CLNK: variants seen among roughly 807,000 people sequenced by gnomAD.
CLNK encodes the protein cytokine-dependent hematopoietic cell linker.
Under a neutral mutation model 68.6 loss-of-function variants are expected in CLNK, and 74 were observed. The ratio of observed to expected loss-of-function variants is 1.08; its 90% CI spans 0.89 to 1.31. CLNK has a LOEUF of 1.31. Among genes scored for constraint, CLNK ranks in the 50% most tolerant of loss-of-function variants. The pLI is 0.00. For missense variants in CLNK, 553 were observed against 515.3 expected (o/e 1.07, Z -0.71); for synonymous variants, 198 against 172.2 (o/e 1.15, Z -1.17).
chr4:10,507,020 T>C (rs1717327051), intron 17 of CLNK, among the ~76,000 whole-genome samples: 1 of 151,892 alleles, frequency 6.6e-6, no homozygotes, highest in African/African-American at 2.4e-5. Context: ...TTAGCCAGGA[T>C]GGTCTCGATC....
intron 2 of CLNK, among the ~76,000 whole-genome samples, chr4:10,603,274 C>T (rs1174208970): frequency 2.0e-5 from 3 of 152,116 alleles, no homozygotes; most frequent in Non-Finnish European, 4.4e-5. Context: ...TGATTTTTGG[C>T]ACAAACATCA....
At position 10,558,392 on chromosome 4, in the gene CLNK, T is replaced by A. The variant is rs1226822639; in HGVS notation, c.445+15A>T. On this transcript the variant is annotated intron_variant, in intron 8 of 18. Coordinates refer to ENST00000226951, the MANE Select transcript of CLNK (RefSeq NM_052964.4). ...TTCATACTTACATTTTAAACTTCGA[T>A]TAACATGACTTTACCTTTAATGTTT... The A allele has an allele frequency of 6.2e-7, 1 of 1,612,610 alleles. No homozygotes were observed.
At chr4:10,686,455 T>G (rs993639775), upstream of CLNK, among the ~76,000 whole-genome samples, 1 of 151,812 alleles carries the variant, frequency 6.6e-6, no homozygotes, top group African/African-American at 2.4e-5. Flanking sequence ...ATTATCACAC[T>G]CATGAATCTG....
At position 10,524,083 on chromosome 4, in the gene CLNK, GAGA is replaced by G. The variant is rs1560200727; in HGVS notation, c.731+1755_731+1757del. ...AAACAAAAGAAAGAAAGAAAGAAAA[GAGA>G]AGAGGAGGAGGAGGAGGAGGAGGAG... On this transcript the variant is annotated intron_variant, in intron 14 of 18. Transcript: ENST00000226951. The G allele has an allele frequency of 2.8e-5, 4 of 141,776 alleles. No individual in the cohort carries two copies. In the Admixed American group the frequency reaches 3.5e-4, roughly 12 times the overall value. The allele number at this position is 141,776 out of a possible 1,614,324, so 8.8% of individuals were successfully genotyped here.
chr4:10,714,290 C>T, the CLNK span, among the ~76,000 whole-genome samples: 13 of 152,260 alleles, frequency 8.5e-5, no homozygotes, highest in Admixed American at 3.3e-4. Context: ...TAGAATATTT[C>T]GTGTTACTTA....
intron 2 of CLNK, among the ~76,000 whole-genome samples, chr4:10,601,131 G>C (rs768870965): frequency 6.6e-6 from 1 of 152,182 alleles, no homozygotes; most frequent in Admixed American, 6.5e-5. Context: ...TGAGGAAACG[G>C]GACCCTAGAG....
At chr4:10,643,550 T>C (rs1723393999) in intron 2 of CLNK, among the ~76,000 whole-genome samples, 1 of 152,188 alleles carries the variant, frequency 6.6e-6, no homozygotes, top group South Asian at 2.1e-4. Flanking sequence ...CAAAGGAGAA[T>C]ACACTGGGAA....
intron 8 of CLNK, among the ~76,000 whole-genome samples, chr4:10,553,059 G>C (rs1240175371): frequency 6.6e-6 from 1 of 151,856 alleles, no homozygotes; most frequent in Non-Finnish European, 1.5e-5. Context: ...GGAGGGGGGG[G>C]CATGCAGGGG....
At chr4:10,642,261 C>A (rs781516849) in intron 2 of CLNK, among the ~76,000 whole-genome samples, 4 of 152,206 alleles carry the variant, frequency 2.6e-5, no homozygotes, top group Non-Finnish European at 5.9e-5. Flanking sequence ...ACATGTCTGA[C>A]AAGTCTCAGA....
chr4:10,508,038 T>C lies in CLNK; in HGVS notation c.907-2A>G. 6.2e-7 allele frequency: 1 copy of C among 1,604,978 alleles called. No homozygotes were observed. The highest frequency in any genetic ancestry group is 1.1e-5 in the South Asian group (1 of 89,180). ...GTACCATTCATTGTGCTGGACATCC[T>C]GCAGAACAGAATCAATGATAAATAT... On this transcript the variant is annotated splice_acceptor_variant, in intron 16 of 18. Coordinates refer to ENST00000226951, the MANE Select transcript of CLNK (RefSeq NM_052964.4). LOFTEE classifies it high-confidence loss of function.
intron 2 of CLNK, among the ~76,000 whole-genome samples, chr4:10,607,645 T>C (rs181372837): frequency 2.6e-5 from 4 of 152,296 alleles, no homozygotes; most frequent in Admixed American, 2.0e-4. Context: ...GAAGACAAGC[T>C]TCTATTCTGA....
At chr4:10,571,656 C>T (rs1458015532) in intron 5 of CLNK, 85 bp downstream of exon 5, 1 of 1,130,398 alleles carries the variant, frequency 8.8e-7, no homozygotes, top group African/African-American at 1.5e-5. Flanking sequence ...GATTTTTAAA[C>T]ATTTTACCCA....
At chr4:10,629,378 C>T (rs891687259) in intron 2 of CLNK, among the ~76,000 whole-genome samples, 5 of 152,172 alleles carry the variant, frequency 3.3e-5, no homozygotes, top group Non-Finnish European at 5.9e-5. Context: ...GACCTGGCCT[C>T]GGCTTTCAGG....
chr4:10,503,269 C>T (rs1477701022), intron 17 of CLNK, among the ~76,000 whole-genome samples: 1 of 151,876 alleles, frequency 6.6e-6, no homozygotes, highest in Non-Finnish European at 1.5e-5. Context: ...GAGACTTAGC[C>T]CGGCTGACAT....
At chr4:10,591,915 T>C (rs904739462) in intron 3 of CLNK, among the ~76,000 whole-genome samples, 12 of 152,244 alleles carry the variant, frequency 7.9e-5, no homozygotes, top group African/African-American at 1.2e-4. Flanking sequence ...TAAGAAATAT[T>C]TGGGGCATGT....
At chr4:10,660,313 T>G (rs1293558845) in intron 2 of CLNK, among the ~76,000 whole-genome samples, 1 of 152,360 alleles carries the variant, frequency 6.6e-6, no homozygotes, top group East Asian at 1.9e-4. Context: ...ATTGAAAGAT[T>G]GCATAGCTAT....
At chr4:10,686,016 G>A (rs1424851648), upstream of CLNK, among the ~76,000 whole-genome samples, 1 of 152,140 alleles carries the variant, frequency 6.6e-6, no homozygotes, top group Non-Finnish European at 1.5e-5. Context: ...GCCCTGAGTG[G>A]CTAACAAAAC....
At chr4:10,699,466 G>GTCTCTGTCTCTCTC in the CLNK span, among the ~76,000 whole-genome samples, 120 of 60,570 alleles carry the variant, frequency 2.0e-3, no homozygotes, top group Non-Finnish European at 3.0e-3. Flanking sequence ...CATCCTCTCT[G>GTCTCTGTCTCTCTC]TCTCTCTCTC....
the CLNK span, among the ~76,000 whole-genome samples, chr4:10,693,693 C>T: frequency 1.3e-5 from 2 of 152,224 alleles, no homozygotes; most frequent in Admixed American, 6.5e-5. Context: ...CAGAGCCATA[C>T]ATTTACAACT....
Sources: gnomAD v4.1 joint callset for allele counts (sites outside exome capture counted in the v4.1 genomes callset) on GRCh38, gnomAD v4.1.1 for gene constraint, MANE v1.5 for transcripts, NCBI Gene and HGNC (gene_info 2026-07-23, HGNC 2026-07-21) for gene names.